The following MAP7 variants were observed in gnomAD, a reference collection of about 807,000 sequenced individuals.
MAP7 encodes ensconsin.
In MAP7, 52 loss-of-function variants were observed where a neutral mutation model predicts 94.8. The observed-to-expected ratio is 0.55, with a 90% confidence interval of 0.44 to 0.69. MAP7 has a LOEUF of 0.69. Among genes scored for constraint, MAP7 ranks in the 30% least tolerant of loss-of-function variants. The pLI, the probability that MAP7 is intolerant of heterozygous loss-of-function variation, is 0.00. For synonymous variants in MAP7, 350 were observed against 357.0 expected (o/e 0.98, Z 0.22); for missense variants, 940 against 964.6 (o/e 0.97, Z 0.34).
At chr6:136,433,608 T>C (rs980159629) in intron 1 of MAP7, among the ~76,000 whole-genome samples, 1 of 152,256 alleles carries the variant, frequency 6.6e-6, no homozygotes, top group African/African-American at 2.4e-5. Flanking sequence ...CTATTCGGAT[T>C]GGATCAGAGG....
intron 1 of MAP7, among the ~76,000 whole-genome samples, chr6:136,498,312 T>C (rs947198842): frequency 6.6e-6 from 1 of 151,940 alleles, no homozygotes; most frequent in East Asian, 1.9e-4. Flanking sequence ...GATGATAGGA[T>C]AGGAGTAGAG....
chr6:136,498,413 A>G (rs1338922056), intron 1 of MAP7, among the ~76,000 whole-genome samples: 1 of 152,094 alleles, frequency 6.6e-6, no homozygotes, highest in Non-Finnish European at 1.5e-5. Context: ...AGGGAGATGA[A>G]AGGAGAAACA....
At position 136,471,730 on chromosome 6, in the gene MAP7, G is replaced by A. The variant is rs539844720; in HGVS notation, c.68-49931C>T. Among the ~76,000 whole-genome samples the A allele has an allele frequency of 3.3e-5, 5 of 151,872 alleles. No homozygotes were observed. In the East Asian group the frequency reaches 9.7e-4, roughly 29 times the overall value. On this transcript the variant is annotated intron_variant, in intron 1 of 17. Coordinates refer to ENST00000354570, the MANE Select transcript of MAP7 (RefSeq NM_003980.6). ...GAATCTTGCACGCGGTCCTTGAATT[G>A]CAGAACCATCTACACTTCACAAAAG...
intron 1 of MAP7, among the ~76,000 whole-genome samples, chr6:136,425,164 C>T (rs1021113459): frequency 3.9e-5 from 6 of 152,196 alleles, no homozygotes; most frequent in South Asian, 2.1e-4. Flanking sequence ...CAGGAGGGCA[C>T]AAGATTTCAT....
At chr6:136,369,742 C>T (rs192958322) in intron 8 of MAP7, among the ~76,000 whole-genome samples, 1 of 152,284 alleles carries the variant, frequency 6.6e-6, no homozygotes, top group African/African-American at 2.4e-5. Context: ...TGGACTCTTA[C>T]CTTCTAAAAT....
chr6:136,480,317 A>G (rs1812327341), intron 1 of MAP7, among the ~76,000 whole-genome samples: 1 of 152,188 alleles, frequency 6.6e-6, no homozygotes, highest in Non-Finnish European at 1.5e-5. Flanking sequence ...CTAGATCTCT[A>G]TCTCTTGCCA....
chr6:136,413,122 A>G (rs923508684), intron 2 of MAP7, among the ~76,000 whole-genome samples: 1 of 152,196 alleles, frequency 6.6e-6, no homozygotes, highest in African/African-American at 2.4e-5. Context: ...AGATCGCGCC[A>G]TTGCACTCCA....
chr6:136,496,771 C>T (rs1467440866), intron 1 of MAP7, among the ~76,000 whole-genome samples: 2 of 121,114 alleles, frequency 1.7e-5, no homozygotes, highest in Admixed American at 1.8e-4. Context: ...GAAACCCCGT[C>T]TCTACTAAAA....
chr6:136,420,319 C>T, intron 2 of MAP7: 2 of 732,902 alleles, frequency 2.7e-6, no homozygotes, highest in East Asian at 2.5e-5. Context: ...ACGTGACCAA[C>T]ACCACCCGCT....
Position 136,356,766 on chromosome 6 carries a change from G to A in MAP7, c.1941C>T (p.Asn647=), listed in dbSNP as rs763429507. The A allele has an allele frequency of 1.1e-5, 17 of 1,614,108 alleles. No individual in the cohort carries two copies. Among genetic ancestry groups the A allele is most frequent in the African/African-American group, 8.0e-5 (6 of 75,040 alleles). The change falls in exon 16 of 18, where the codon AAC becomes AAT. Residue 647 remains asparagine, a synonymous_variant. Coordinates refer to ENST00000354570, the MANE Select transcript of MAP7 (RefSeq NM_003980.6). ...CAACTGGCTTTCCATTTCCCGGAGCGTTTGTTGTACATGGAAGTGCAGACA... is the reference window on the plus strand; with the variant it reads ...CAACTGGCTTTCCATTTCCCGGAGCATTTGTTGTACATGGAAGTGCAGACA... The part of the protein sequence containing the change: ...TEVSALPCTT[N]APGNGKPVGS...
At chr6:136,538,168 C>A (rs1414197714) in intron 1 of MAP7, among the ~76,000 whole-genome samples, 1 of 152,138 alleles carries the variant, frequency 6.6e-6, no homozygotes, top group Non-Finnish European at 1.5e-5. Context: ...ACCCACATGC[C>A]CACACACCAC....
intron 3 of MAP7, among the ~76,000 whole-genome samples, chr6:136,393,978 A>AATTTTTTTTTTTTTT (rs1554242697): frequency 5.5e-5 from 2 of 36,204 alleles, no homozygotes; most frequent in African/African-American, 7.4e-5. Context: ...CAGCAAAGGT[A>AATTTTTTTTTTTTTT]TTTTTTTTTT....
At chr6:136,434,199 C>T (rs939330633) in intron 1 of MAP7, among the ~76,000 whole-genome samples, 3 of 150,714 alleles carry the variant, frequency 2.0e-5, no homozygotes, top group Non-Finnish European at 4.4e-5. Context: ...CCCAGCTACT[C>T]GGGAGGCTGA....
Position 136,383,688 on chromosome 6 carries a change from A to T in MAP7, c.620T>A (p.Leu207Gln), listed in dbSNP as rs758723257. The change falls in exon 6 of 18, where the codon CTA becomes CAA. Residue 207 changes from leucine (L) to glutamine (Q), a missense_variant. Physicochemically the swap from Leu to Gln is moderately radical, Grantham distance 113. Coordinates refer to ENST00000354570, the MANE Select transcript of MAP7 (RefSeq NM_003980.6). Reference sequence around the variant, plus strand: ...GACTGTACCTCTATCTGGAGAATTTAGTAAAGTTGCAGATGAAGAGGAGAG... The same window carrying T: ...GACTGTACCTCTATCTGGAGAATTTTGTAAAGTTGCAGATGAAGAGGAGAG... ...KRLSSSSATL[L>Q]NSPDRARRLQ... 6.2e-7 allele frequency: 1 copy of T among 1,600,804 alleles called. No individual in the cohort carries two copies.
intron 1 of MAP7, among the ~76,000 whole-genome samples, chr6:136,485,169 A>G (rs1158343368): frequency 6.6e-6 from 1 of 152,236 alleles, no homozygotes; most frequent in Non-Finnish European, 1.5e-5. Flanking sequence ...ATTTTAACAC[A>G]TATATTAAAT....
At chr6:136,466,158 A>G (rs1806971689) in intron 1 of MAP7, among the ~76,000 whole-genome samples, 1 of 152,198 alleles carries the variant, frequency 6.6e-6, no homozygotes, top group Non-Finnish European at 1.5e-5. Context: ...TGGGCAGCAC[A>G]AATAATGTTT....
chr6:136,424,292 C>T lies in MAP7; in HGVS notation c.68-2493G>A, dbSNP rs1792443921. Among the ~76,000 whole-genome samples the T allele has an allele frequency of 2.7e-5, 4 of 149,282 alleles. No homozygotes were observed. In the South Asian group the frequency reaches 8.5e-4, roughly 32 times the overall value. On this transcript the variant is annotated intron_variant, in intron 1 of 17. Coordinates refer to ENST00000354570, the MANE Select transcript of MAP7 (RefSeq NM_003980.6). ...AAAATTAAAATGACTAGGTGACTTTCCAGTATTATTTATTTGAATCTCTCT... is the reference window on the plus strand; with the variant it reads ...AAAATTAAAATGACTAGGTGACTTTTCAGTATTATTTATTTGAATCTCTCT...
intron 3 of MAP7, among the ~76,000 whole-genome samples, chr6:136,391,295 G>GC (rs1165473413): frequency 2.0e-5 from 3 of 147,358 alleles, no homozygotes; most frequent in Admixed American, 1.4e-4. Context: ...GTAAACTATC[G>GC]CAAGAACAAA....
intron 16 of MAP7, among the ~76,000 whole-genome samples, chr6:136,353,293 T>C (rs967700880): frequency 1.3e-5 from 2 of 152,212 alleles, no homozygotes; most frequent in African/African-American, 4.8e-5. Context: ...ACCAGCTTAT[T>C]TGACAAGGGC....
Sources: allele counts gnomAD v4.1 joint callset (sites outside exome capture counted in the v4.1 genomes callset), GRCh38; gene constraint gnomAD v4.1.1; transcripts MANE v1.5; gene names NCBI Gene and HGNC (gene_info 2026-07-23, HGNC 2026-07-21).